Variants in POLK observed in about 807,000 individuals in gnomAD.
POLK encodes the protein DNA polymerase kappa.
POLK carries 76 observed loss-of-function variants against 94.0 expected under a neutral mutation model. The ratio of observed to expected loss-of-function variants is 0.81; its 90% CI spans 0.67 to 0.98. The LOEUF (loss-of-function observed/expected upper bound fraction) is 0.98, where lower values mean the gene tolerates loss of function less well. POLK is among the 50% of genes least tolerant of loss of function. The probability of loss-of-function intolerance (pLI) is 0.00; values close to 1 mark genes in which losing one functional copy is unlikely to be tolerated. For synonymous variants in POLK, 349 were observed against 325.4 expected (o/e 1.07, Z -0.78); for missense variants, 954 against 1,010.1 (o/e 0.94, Z 0.75).
At chr5:75,597,275 A>G (rs2112900791) in intron 13 of POLK, 97 bp downstream of exon 13, 1 of 717,700 alleles carries the variant, frequency 1.4e-6, no homozygotes, top group South Asian at 1.9e-5. Flanking sequence ...ATACTATTAA[A>G]TGGGTAGTTT....
At chr5:75,545,649 G>A (rs1580982411) in intron 1 of POLK, among the ~76,000 whole-genome samples, 6 of 151,848 alleles carry the variant, frequency 4.0e-5, no homozygotes, top group South Asian at 2.1e-4. Context: ...TAGAGATGAC[G>A]TAACTTTCTA....
At chr5:75,511,685 A>G (rs5744541), upstream of POLK, 1,354 of 1,485,926 alleles carry the variant, frequency 9.1e-4, 16 homozygotes, top group African/African-American at 0.018. Context: ...CTCCCCCACT[A>G]CTCCCCGCCC....
chr5:75,527,189 C>CT (rs911156366), intron 1 of POLK, among the ~76,000 whole-genome samples: 2 of 151,148 alleles, frequency 1.3e-5, no homozygotes, highest in African/African-American at 4.9e-5. Flanking sequence ...TATAATCAAA[C>CT]TTTTTTTTTA....
At chr5:75,597,830 G>A in intron 14 of POLK, 41 bp downstream of exon 14, 1 of 1,312,146 alleles carries the variant, frequency 7.6e-7, no homozygotes, top group Non-Finnish European at 1.0e-6. Flanking sequence ...GCTACAATAT[G>A]AAAATTCAAT....
At chr5:75,511,689 C>T, upstream of POLK, 1 of 1,536,950 alleles carries the variant, frequency 6.5e-7, no homozygotes, top group Admixed American at 2.0e-5. Context: ...CCCACTACTC[C>T]CCGCCCCGTC....
At chr5:75,559,870 G>A (rs1410195194) in intron 3 of POLK, among the ~76,000 whole-genome samples, 3 of 151,938 alleles carry the variant, frequency 2.0e-5, no homozygotes, top group African/African-American at 7.3e-5. Context: ...TTATTCAACA[G>A]TCTTGGGGAA....
At chr5:75,561,054 G>A (rs970956395) in intron 3 of POLK, among the ~76,000 whole-genome samples, 7 of 152,124 alleles carry the variant, frequency 4.6e-5, no homozygotes, top group Non-Finnish European at 1.0e-4. Flanking sequence ...GGGTCAAATG[G>A]TATTTCTGGT....
intron 1 of POLK, chr5:75,538,675 A>G (rs988743104): frequency 6.6e-6 from 1 of 152,190 alleles, no homozygotes; most frequent in Non-Finnish European, 1.5e-5. Flanking sequence ...TCAATTGAGA[A>G]TAATTATTTT....
downstream of POLK, among the ~76,000 whole-genome samples, chr5:75,602,807 A>G (rs1234258844): frequency 6.6e-6 from 1 of 152,254 alleles, no homozygotes; most frequent in Admixed American, 6.5e-5. Context: ...CCTGTAATAT[A>G]GAGCTATACA....
At chr5:75,607,312 C>CA in the POLK span, among the ~76,000 whole-genome samples, 1 of 151,936 alleles carries the variant, frequency 6.6e-6, no homozygotes, top group Admixed American at 6.6e-5. Context: ...ACTCAAAATA[C>CA]AAAAAAGTAG....
At chr5:75,576,479 A>G (rs1771879265) in intron 5 of POLK, among the ~76,000 whole-genome samples, 1 of 152,130 alleles carries the variant, frequency 6.6e-6, no homozygotes, top group Admixed American at 6.6e-5. Context: ...CCTACCAGAT[A>G]ATGTTTTCTG....
chr5:75,511,386 C>G (rs778363307), upstream of POLK: 1 of 1,546,496 alleles, frequency 6.5e-7, no homozygotes, highest in Non-Finnish European at 8.7e-7. Flanking sequence ...CGCCTGACAC[C>G]GAGCGGAGCG....
chr5:75,567,229 G>T (rs1411286936), intron 3 of POLK, among the ~76,000 whole-genome samples: 1 of 152,118 alleles, frequency 6.6e-6, no homozygotes, highest in Admixed American at 6.5e-5. Flanking sequence ...TTTTCTAGAT[G>T]ATTCCATGTC....
At chr5:75,584,057 G>C (rs1772336416) in intron 8 of POLK, among the ~76,000 whole-genome samples, 2 of 152,132 alleles carry the variant, frequency 1.3e-5, no homozygotes, top group South Asian at 2.1e-4. Context: ...TTACTGACTA[G>C]TATATGTGAG....
chr5:75,513,591 C>T (rs781573014), intron 1 of POLK, among the ~76,000 whole-genome samples: 2 of 152,062 alleles, frequency 1.3e-5, no homozygotes, highest in African/African-American at 4.8e-5. Flanking sequence ...GAAATGAGAG[C>T]CAGGCTAGGA....
At chr5:75,600,862 A>G (rs1773281722) in exon 15 of POLK, 1 of 152,194 alleles carries the variant, frequency 6.6e-6, no homozygotes, top group Non-Finnish European at 1.5e-5. Context: ...GAACAACTAT[A>G]TTGTTTTAAG....
intron 1 of POLK, among the ~76,000 whole-genome samples, chr5:75,545,048 T>C (rs926906919): frequency 6.6e-6 from 1 of 152,188 alleles, no homozygotes; most frequent in Non-Finnish European, 1.5e-5. Flanking sequence ...TTCTGATTTA[T>C]TTGGTATGGG....
At chr5:75,596,722 G>T in exon 13 of POLK, 1 of 1,613,684 alleles carries the variant, frequency 6.2e-7, no homozygotes, top group Non-Finnish European at 8.5e-7. Context: ...AAATGTTCCT[G>T]CTTCTTCACT....
rs919798978 is a variant in POLK at position 75,579,368 on chromosome 5, T to A, written c.695-1841T>A. ...TTGTTTCACAGTCTTTATTTTTTTT[T>A]TATTTTTTTTTATTTTTTTGAGATG... On this transcript the variant is annotated intron_variant, in intron 6 of 14. Transcript: ENST00000241436. 1.5e-4 allele frequency among the ~76,000 whole-genome samples: 23 copies of A among 151,932 alleles called. 1 individual carries two copies. The highest frequency in any genetic ancestry group is 3.4e-3 in the Middle Eastern group (1 of 294).
Sources: allele counts gnomAD v4.1 joint callset (sites outside exome capture counted in the v4.1 genomes callset), GRCh38; gene constraint gnomAD v4.1.1; transcripts MANE v1.5; gene names NCBI Gene and HGNC (gene_info 2026-07-23, HGNC 2026-07-21).